The following FHIT variants were observed in gnomAD, a reference collection of about 807,000 sequenced individuals.
FHIT encodes the protein bis(5'-adenosyl)-triphosphatase.
FHIT carries 19 observed loss-of-function variants against 17.9 expected under a neutral mutation model. That is an observed-to-expected ratio of 1.06 (90% CI 0.74 to 1.56). FHIT has a LOEUF of 1.56. FHIT is among the 40% of genes most tolerant of loss of function. The pLI is 0.00. For missense variants in FHIT, 248 were observed against 189.2 expected, an observed-to-expected ratio of 1.31 and a Z score of -1.82; for synonymous variants, 81 against 69.7, an observed-to-expected ratio of 1.16 and a Z score of -0.81.
chr3:60,834,822 G>C (rs1702472311), intron 3 of FHIT, among the ~76,000 whole-genome samples: 1 of 149,666 alleles, frequency 6.7e-6, no homozygotes, highest in African/African-American at 2.5e-5. Context: ...CCGAGATCGT[G>C]CCACTGCCCT....
chr3:60,191,450 T>C (rs867030715), intron 5 of FHIT, among the ~76,000 whole-genome samples: 8 of 152,298 alleles, frequency 5.3e-5, no homozygotes, highest in Middle Eastern at 3.4e-3. Context: ...TCAAGTCCAC[T>C]GAACTGAAAT....
chr3:59,791,900 C>T (rs1423660091), intron 8 of FHIT, among the ~76,000 whole-genome samples: 3 of 152,096 alleles, frequency 2.0e-5, no homozygotes, highest in Admixed American at 1.3e-4. Flanking sequence ...TGGCCTTCAG[C>T]CAGTCAAGGA....
chr3:60,426,999 C>G (rs79683448), intron 5 of FHIT, among the ~76,000 whole-genome samples: 2 of 151,956 alleles, frequency 1.3e-5, no homozygotes, highest in East Asian at 1.9e-4. Flanking sequence ...GGGGATTTCT[C>G]GGATGTAATT....
chr3:60,949,921 G>A (rs1708803965), intron 3 of FHIT, among the ~76,000 whole-genome samples: 1 of 152,052 alleles, frequency 6.6e-6, no homozygotes, highest in South Asian at 2.1e-4. Flanking sequence ...ATTAATTATG[G>A]TATAGCCATA....
At chr3:61,042,429 G>T (rs1225955630) in intron 2 of FHIT, among the ~76,000 whole-genome samples, 1 of 152,070 alleles carries the variant, frequency 6.6e-6, no homozygotes, top group Non-Finnish European at 1.5e-5. Flanking sequence ...GTAAGTTGGG[G>T]TATAAAAGAA....
At chr3:60,160,157 T>A (rs559018311) in intron 5 of FHIT, among the ~76,000 whole-genome samples, 1 of 152,212 alleles carries the variant, frequency 6.6e-6, no homozygotes, top group South Asian at 2.1e-4. Flanking sequence ...TGTGTCTGTG[T>A]GTCTGTGTGT....
At chr3:60,961,787 T>G (rs539928779) in intron 3 of FHIT, among the ~76,000 whole-genome samples, 9 of 152,210 alleles carry the variant, frequency 5.9e-5, no homozygotes, top group Non-Finnish European at 7.3e-5. Flanking sequence ...CATTGGCCTA[T>G]CTCTCTGTTT....
At chr3:60,212,228 G>A (rs1161381163) in intron 5 of FHIT, among the ~76,000 whole-genome samples, 1 of 152,134 alleles carries the variant, frequency 6.6e-6, no homozygotes, top group African/African-American at 2.4e-5. Context: ...AAGGTATGGA[G>A]CCTGTTTAAA....
chr3:60,798,538 T>A (rs1553731163), intron 4 of FHIT, among the ~76,000 whole-genome samples: 1 of 152,112 alleles, frequency 6.6e-6, no homozygotes, highest in Non-Finnish European at 1.5e-5. Context: ...ACTAGCTGGA[T>A]TTGTTAATTT....
intron 4 of FHIT, among the ~76,000 whole-genome samples, chr3:60,806,002 C>G (rs1189959005): frequency 2.6e-5 from 4 of 152,164 alleles, no homozygotes; most frequent in African/African-American, 7.2e-5. Context: ...CATGAATATT[C>G]TGTATATTAC....
chr3:60,266,614 G>T (rs1576392810), intron 5 of FHIT, among the ~76,000 whole-genome samples: 1 of 152,158 alleles, frequency 6.6e-6, no homozygotes, highest in East Asian at 1.9e-4. Context: ...GGAGGAGTTA[G>T]ATCCTCAGAT....
chr3:60,982,655 CTG>C (rs1710545416), intron 3 of FHIT, among the ~76,000 whole-genome samples: 1 of 152,204 alleles, frequency 6.6e-6, no homozygotes, highest in Admixed American at 6.5e-5. Context: ...CTGTCTCACT[CTG>C]TTATTCTCTG....
At chr3:60,465,782 G>T (rs2032754620) in intron 5 of FHIT, among the ~76,000 whole-genome samples, 1 of 151,944 alleles carries the variant, frequency 6.6e-6, no homozygotes, top group Non-Finnish European at 1.5e-5. Flanking sequence ...ATGCTGTTTT[G>T]GTTACTATAT....
intron 5 of FHIT, among the ~76,000 whole-genome samples, chr3:60,167,163 G>C (rs560938862): frequency 2.6e-5 from 4 of 151,916 alleles, no homozygotes; most frequent in Non-Finnish European, 5.9e-5. Flanking sequence ...CCTATAATCT[G>C]TTTTGTGTTA....
intron 2 of FHIT, among the ~76,000 whole-genome samples, chr3:61,144,309 G>T (rs767637747): frequency 6.6e-6 from 1 of 152,118 alleles, no homozygotes; most frequent in African/African-American, 2.4e-5. Context: ...GTCCTTTTGC[G>T]ACTAGCTTCT....
At chr3:60,140,744 A>G (rs1700007477) in intron 5 of FHIT, among the ~76,000 whole-genome samples, 1 of 151,976 alleles carries the variant, frequency 6.6e-6, no homozygotes, top group South Asian at 2.1e-4. Flanking sequence ...ACGCCCAGCT[A>G]ATTTTGTATT....
intron 5 of FHIT, among the ~76,000 whole-genome samples, chr3:60,144,315 T>A (rs1220378237): frequency 6.6e-6 from 1 of 152,226 alleles, no homozygotes; most frequent in Non-Finnish European, 1.5e-5. Flanking sequence ...AGTCACTGTG[T>A]TAAGCACTAA....
At chr3:60,813,814 T>A (rs988509394) in intron 4 of FHIT, among the ~76,000 whole-genome samples, 1 of 152,212 alleles carries the variant, frequency 6.6e-6, no homozygotes, top group Non-Finnish European at 1.5e-5. Flanking sequence ...GTCTTCTTAA[T>A]TTAATGACTC....
chr3:60,130,784 G>GTATATACACACATATATGTGTTGTGTGT (rs148356992), intron 5 of FHIT, among the ~76,000 whole-genome samples: 21 of 111,728 alleles, frequency 1.9e-4, no homozygotes, highest in Middle Eastern at 5.1e-3. Flanking sequence ...GTGTGTGTGT[G>GTATATACACACATATATGTGTTGTGTGT]GTGTGTATAT....
Sources: gnomAD v4.1 joint callset for allele counts (sites outside exome capture counted in the v4.1 genomes callset) on GRCh38, gnomAD v4.1.1 for gene constraint, MANE v1.5 for transcripts, NCBI Gene and HGNC (gene_info 2026-07-23, HGNC 2026-07-21) for gene names.